The following INSC variants were observed in gnomAD, a reference collection of about 807,000 sequenced individuals.
The protein encoded by INSC is protein inscuteable homolog.
A neutral mutation model predicts 58.6 loss-of-function variants in INSC; 67 were observed. That is an observed-to-expected ratio of 1.14 (90% CI 0.94 to 1.40). The LOEUF is 1.40. INSC is among the 40% of genes most tolerant of loss of function. INSC has a pLI of 0.00. For synonymous variants in INSC, 262 were observed against 276.1 expected, an observed-to-expected ratio of 0.95 and a Z score of 0.51; for missense variants, 714 against 692.0, an observed-to-expected ratio of 1.03 and a Z score of -0.36.
chr11:15,216,255 G>A (rs1851214594), intron 7 of INSC, among the ~76,000 whole-genome samples: 2 of 152,206 alleles, frequency 1.3e-5, no homozygotes, highest in South Asian at 4.1e-4. Flanking sequence ...CAGGAGATCA[G>A]GGCAAGATGG....
intron 5 of INSC, among the ~76,000 whole-genome samples, chr11:15,184,679 C>G (rs1849902945): frequency 6.6e-6 from 1 of 152,188 alleles, no homozygotes. Context: ...CAGGCATGAG[C>G]CGCCACATCC....
chr11:15,115,772 C>A (rs1188055338), intron 1 of INSC, among the ~76,000 whole-genome samples: 10 of 152,224 alleles, frequency 6.6e-5, no homozygotes, highest in African/African-American at 2.4e-4. Context: ...GTCTTGCACA[C>A]ACTCTTCTCA....
At chr11:15,118,706 C>T (rs1168017529) in intron 1 of INSC, among the ~76,000 whole-genome samples, 1 of 152,176 alleles carries the variant, frequency 6.6e-6, no homozygotes, top group Non-Finnish European at 1.5e-5. Context: ...AATTTTCACA[C>T]TATTTAGACT....
chr11:15,206,764 G>A (rs1850816981), intron 7 of INSC, among the ~76,000 whole-genome samples: 1 of 152,206 alleles, frequency 6.6e-6, no homozygotes, highest in South Asian at 2.1e-4. Flanking sequence ...TCTGTAAAAT[G>A]GGACTCCCAC....
At chr11:15,268,346 T>G in the INSC span, among the ~76,000 whole-genome samples, 30 of 152,072 alleles carry the variant, frequency 2.0e-4, no homozygotes, top group African/African-American at 7.2e-4. Context: ...CAGAAAATCC[T>G]TTCTTGCTTT....
At chr11:15,205,038 A>T (rs571978609) in intron 7 of INSC, among the ~76,000 whole-genome samples, 1 of 151,924 alleles carries the variant, frequency 6.6e-6, no homozygotes, top group African/African-American at 2.4e-5. Context: ...TCATTCATTC[A>T]CTCACGGGAA....
At chr11:15,160,187 G>A (rs1387278133) in intron 2 of INSC, among the ~76,000 whole-genome samples, 2 of 152,160 alleles carry the variant, frequency 1.3e-5, no homozygotes, top group African/African-American at 4.8e-5. Context: ...CAGACGTGTG[G>A]GGCACATGGG....
At chr11:15,200,109 C>T (rs966267918) in intron 6 of INSC, among the ~76,000 whole-genome samples, 1 of 151,952 alleles carries the variant, frequency 6.6e-6, no homozygotes, top group Non-Finnish European at 1.5e-5. Flanking sequence ...AGTACATGCT[C>T]ACCACACTCA....
chr11:15,217,393 C>A (rs1396346722), intron 7 of INSC, among the ~76,000 whole-genome samples: 3 of 152,184 alleles, frequency 2.0e-5, no homozygotes, highest in African/African-American at 7.2e-5. Flanking sequence ...GGGGACACAG[C>A]CAAACCATAT....
chr11:15,265,069 GGAAT>G, the INSC span, among the ~76,000 whole-genome samples: 1 of 152,022 alleles, frequency 6.6e-6, no homozygotes, highest in African/African-American at 2.4e-5. Context: ...AATGCAACAA[GGAAT>G]GAAAGGTAAA....
intron 5 of INSC, among the ~76,000 whole-genome samples, chr11:15,186,769 T>G (rs1849983156): frequency 6.6e-6 from 1 of 152,142 alleles, no homozygotes; most frequent in South Asian, 2.1e-4. Flanking sequence ...CATCCCCACT[T>G]CCAAAAACTT....
At chr11:15,193,456 A>C (rs1303722455) in intron 6 of INSC, among the ~76,000 whole-genome samples, 1 of 151,926 alleles carries the variant, frequency 6.6e-6, no homozygotes, top group Non-Finnish European at 1.5e-5. Context: ...CCCCCACTCC[A>C]CAACAGGCCT....
intron 7 of INSC, among the ~76,000 whole-genome samples, chr11:15,220,318 G>A (rs1346775677): frequency 6.6e-6 from 1 of 152,178 alleles, no homozygotes; most frequent in South Asian, 2.1e-4. Context: ...CTCCCAACCC[G>A]AGAAGGACTT....
intron 1 of INSC, among the ~76,000 whole-genome samples, chr11:15,121,347 G>C (rs1173346128): frequency 2.0e-5 from 3 of 152,128 alleles, no homozygotes; most frequent in South Asian, 4.1e-4. Flanking sequence ...GAATAGCACA[G>C]GTCAGTTATT....
intron 1 of INSC, among the ~76,000 whole-genome samples, chr11:15,126,650 G>T (rs1216118378): frequency 6.6e-6 from 1 of 152,210 alleles, no homozygotes; most frequent in African/African-American, 2.4e-5. Flanking sequence ...GCATCTCATT[G>T]AACTCATGCT....
intron 1 of INSC, among the ~76,000 whole-genome samples, chr11:15,121,053 A>G (rs1057508635): frequency 1.5e-4 from 2 of 12,978 alleles, no homozygotes; most frequent in African/African-American, 1.6e-4. Context: ...GTTTTATTAT[A>G]TATATGAATA....
chr11:15,125,996 C>T (rs1425248856), intron 1 of INSC, among the ~76,000 whole-genome samples: 1 of 151,894 alleles, frequency 6.6e-6, no homozygotes, highest in Admixed American at 6.6e-5. Context: ...ACATAAGGGA[C>T]CTGTTGGGGA....
intron 7 of INSC, among the ~76,000 whole-genome samples, chr11:15,210,140 G>A (rs1328427126): frequency 1.3e-5 from 2 of 152,182 alleles, no homozygotes; most frequent in African/African-American, 4.8e-5. Flanking sequence ...TATGTTTCCT[G>A]GGTAAAGTTC....
the INSC span, among the ~76,000 whole-genome samples, chr11:15,266,216 C>T: frequency 2.0e-5 from 3 of 151,294 alleles, no homozygotes; most frequent in South Asian, 2.1e-4. Flanking sequence ...AAATAAAGAC[C>T]TTTCTAGAAT....
Sources: allele counts gnomAD v4.1 joint callset (sites outside exome capture counted in the v4.1 genomes callset), GRCh38; gene constraint gnomAD v4.1.1; transcripts MANE v1.5; gene names NCBI Gene and HGNC (gene_info 2026-07-23, HGNC 2026-07-21).